The following KDM4C variants were observed in gnomAD, a reference collection of about 807,000 sequenced individuals.
KDM4C encodes the protein lysine demethylase 4C, also known as lysine-specific demethylase 4C.
A neutral mutation model predicts 129.3 loss-of-function variants in KDM4C; 81 were observed. The observed-to-expected ratio is 0.63, with a 90% CI of 0.52 to 0.75. The LOEUF is 0.75. KDM4C is among the 30% of genes least tolerant of loss of function. The probability of loss-of-function intolerance (pLI) is 0.00; values close to 1 mark genes in which losing one functional copy is unlikely to be tolerated. For synonymous variants in KDM4C, 573 were observed against 456.1 expected (o/e 1.26, Z -3.26); for missense variants, 1,457 against 1,304.0 (o/e 1.12, Z -1.81).
intron 21 of KDM4C, among the ~76,000 whole-genome samples, chr9:7,174,250 A>ACCTCGTTGGACAAGAGC (rs58627414): frequency 2.7e-5 from 4 of 148,684 alleles, no homozygotes; most frequent in Admixed American, 2.0e-4. Flanking sequence ...TTTGTCAAAA[A>ACCTCGTTGGACAAGAGC]CAGAGGGGAG....
intron 1 of KDM4C, among the ~76,000 whole-genome samples, chr9:6,745,599 T>C (rs820520): frequency 4.5e-5 from 6 of 133,310 alleles, no homozygotes; most frequent in Non-Finnish European, 6.4e-5. Flanking sequence ...AAAAAAAAAA[T>C]GCCATACTAT....
intron 19 of KDM4C, among the ~76,000 whole-genome samples, chr9:7,158,808 G>A (rs1434859475): frequency 4.6e-5 from 7 of 152,154 alleles, no homozygotes; most frequent in African/African-American, 1.7e-4. Context: ...TGGGAAGAGT[G>A]TATATTCTGT....
chr9:7,081,716 C>T (rs1374352422), intron 17 of KDM4C, among the ~76,000 whole-genome samples: 1 of 152,182 alleles, frequency 6.6e-6, no homozygotes, highest in Non-Finnish European at 1.5e-5. Context: ...AATTACGCTG[C>T]ATGAGGAAAT....
At chr9:6,901,292 A>G (rs1817365585) in intron 8 of KDM4C, among the ~76,000 whole-genome samples, 1 of 152,186 alleles carries the variant, frequency 6.6e-6, no homozygotes, top group Non-Finnish European at 1.5e-5. Context: ...CTTCTCATCC[A>G]TGCAGGCTTT....
chr9:6,919,239 TTTCTTTC>T (rs1820921869), intron 8 of KDM4C, among the ~76,000 whole-genome samples: 6 of 91,786 alleles, frequency 6.5e-5, no homozygotes, highest in African/African-American at 2.2e-4. Context: ...TCTTTCTTTC[TTTCTTTC>T]TTTTCTTTCT....
rs1845546011 is a variant in KDM4C at position 6,887,985 on chromosome 9, G to T, written c.705G>T (p.Gly235=). Residue 235 remains glycine, a synonymous_variant, in exon 7 of 22, where the codon GGG becomes GGT. Transcript: ENST00000381309. The part of the protein sequence containing the change: ...AQGFFPSSSQ[G]CDAFLRHKMT... Reference sequence around the variant, plus strand: ...GTTTTTTCCCAAGCAGCTCCCAAGGGTGTGATGCATTTCTTCGCCACAAGA... The same window carrying T: ...GTTTTTTCCCAAGCAGCTCCCAAGGTTGTGATGCATTTCTTCGCCACAAGA... The T allele has an allele frequency of 6.2e-7, 1 of 1,611,218 alleles. No homozygotes were observed. Among genetic ancestry groups the T allele is most frequent in the South Asian group, 1.1e-5 (1 of 90,986 alleles).
intron 19 of KDM4C, among the ~76,000 whole-genome samples, chr9:7,150,218 A>C (rs1459426057): frequency 1.3e-5 from 2 of 152,060 alleles, no homozygotes; most frequent in Non-Finnish European, 2.9e-5. Context: ...TCTCCCTTTC[A>C]CCTCTTTCTT....
At chr9:6,917,652 G>C (rs1578325) in intron 8 of KDM4C, among the ~76,000 whole-genome samples, 83,998 of 151,972 alleles carry the variant, frequency 0.55, 24,155 homozygotes, top group Middle Eastern at 0.66. Context: ...CAGCCATGTT[G>C]CCGAGTTCGT....
chr9:6,833,355 G>A (rs1415522248), intron 4 of KDM4C, among the ~76,000 whole-genome samples: 1 of 152,060 alleles, frequency 6.6e-6, no homozygotes, highest in East Asian at 1.9e-4. Context: ...AATAGAAAAT[G>A]TAGTTACCAA....
intron 9 of KDM4C, chr9:6,982,184 CT>C (rs1202993337): frequency 6.6e-6 from 1 of 151,462 alleles, no homozygotes; most frequent in African/African-American, 2.4e-5. Context: ...AATTTTACAT[CT>C]TTGCCCAGAC....
intron 1 of KDM4C, among the ~76,000 whole-genome samples, chr9:6,735,585 A>T (rs1166585333): frequency 1.3e-5 from 2 of 152,136 alleles, no homozygotes; most frequent in Non-Finnish European, 2.9e-5. Context: ...TTCCCTGCAC[A>T]AGCCCTCTCT....
chr9:7,171,021 G>C (rs10758842), intron 21 of KDM4C: 117,790 of 153,242 alleles, frequency 0.77, 45,407 homozygotes, highest in Middle Eastern at 0.8. Flanking sequence ...GCATGCAGCC[G>C]GCGGGCCATG....
intron 17 of KDM4C, among the ~76,000 whole-genome samples, chr9:7,074,940 G>A (rs1273856126): frequency 6.6e-6 from 1 of 152,160 alleles, no homozygotes; most frequent in Non-Finnish European, 1.5e-5. Flanking sequence ...CAGGATGTCT[G>A]ACAAGATCTC....
chr9:6,872,872 T>G (rs1349244850), intron 5 of KDM4C, among the ~76,000 whole-genome samples: 1 of 152,196 alleles, frequency 6.6e-6, no homozygotes, highest in Non-Finnish European at 1.5e-5. Context: ...GGATGTAATT[T>G]AAAGTCACCA....
intron 8 of KDM4C, among the ~76,000 whole-genome samples, chr9:6,976,687 A>G (rs1052332316): frequency 1.8e-4 from 27 of 152,228 alleles, no homozygotes; most frequent in African/African-American, 6.0e-4. Context: ...ATAGCCTTCA[A>G]GAGCAATAAC....
At chr9:6,762,264 A>G (rs148622405) in intron 1 of KDM4C, among the ~76,000 whole-genome samples, 1 of 150,964 alleles carries the variant, frequency 6.6e-6, no homozygotes, top group African/African-American at 2.4e-5. Flanking sequence ...CCACCCCACA[A>G]CAGGCCCTGG....
chr9:6,838,395 C>T (rs561987396), intron 4 of KDM4C, among the ~76,000 whole-genome samples: 1 of 152,230 alleles, frequency 6.6e-6, no homozygotes, highest in African/African-American at 2.4e-5. Context: ...AATTCTGGAT[C>T]TAAATGTATG....
chr9:6,852,348 A>G (rs981836030), intron 5 of KDM4C, among the ~76,000 whole-genome samples: 3 of 152,194 alleles, frequency 2.0e-5, no homozygotes, highest in African/African-American at 7.2e-5. Flanking sequence ...TTTATTATGC[A>G]CTAGTGCATG....
At chr9:6,938,805 A>T (rs1427718437) in intron 8 of KDM4C, among the ~76,000 whole-genome samples, 3 of 152,140 alleles carry the variant, frequency 2.0e-5, no homozygotes, top group East Asian at 1.9e-4. Flanking sequence ...GAGTAGAAAG[A>T]TGGTAATTTT....
Sources: allele counts gnomAD v4.1 joint callset (sites outside exome capture counted in the v4.1 genomes callset), GRCh38; gene constraint gnomAD v4.1.1; transcripts MANE v1.5; gene names NCBI Gene and HGNC (gene_info 2026-07-23, HGNC 2026-07-21).